Variants in ANXA10 observed in about 807,000 individuals in gnomAD.
ANXA10 encodes annexin 14.
A neutral mutation model predicts 53.5 loss-of-function variants in ANXA10; 49 were observed. That is an observed-to-expected ratio of 0.92 (90% CI 0.73 to 1.16). ANXA10 has a LOEUF of 1.16. Among genes scored for constraint, ANXA10 ranks in the 50% most tolerant of loss-of-function variants. The pLI is 0.00. For synonymous variants in ANXA10, 131 were observed against 128.9 expected, an observed-to-expected ratio of 1.02 and a Z score of -0.11; for missense variants, 393 against 394.4, an observed-to-expected ratio of 1.00 and a Z score of 0.03.
At chr4:168,150,719 G>T (rs1236266426) in intron 3 of ANXA10, among the ~76,000 whole-genome samples, 1 of 152,180 alleles carries the variant, frequency 6.6e-6, no homozygotes, top group Non-Finnish European at 1.5e-5. Flanking sequence ...GTGTTAGCAT[G>T]TTGCGAGGGT....
intron 1 of ANXA10, among the ~76,000 whole-genome samples, chr4:168,099,271 T>C (rs933935205): frequency 2.0e-5 from 3 of 152,152 alleles, no homozygotes; most frequent in Non-Finnish European, 4.4e-5. Flanking sequence ...TACATATTCT[T>C]CTAGGCATTC....
In ANXA10 at chr4:168,092,691, T is replaced by C. The variant is rs1730478514; in HGVS notation, c.-10T>C. On this transcript the variant is annotated 5_prime_UTR_variant, in exon 1 of 12. Coordinates refer to ENST00000359299, the MANE Select transcript of ANXA10 (RefSeq NM_007193.5). Reference sequence around the variant, plus strand: ...TATTTTCATCCCTGAGGTTAACAATTACCATCAAAATGTTTTGTGGAGACT... The same window carrying C: ...TATTTTCATCCCTGAGGTTAACAATCACCATCAAAATGTTTTGTGGAGACT... 3.1e-6 allele frequency: 5 copies of C among 1,592,674 alleles called. No homozygotes were observed. Among genetic ancestry groups the C allele is most frequent in the Non-Finnish European group, 4.3e-6 (5 of 1,170,700 alleles).
intron 1 of ANXA10, among the ~76,000 whole-genome samples, chr4:168,097,293 T>C (rs532889496): frequency 5.9e-5 from 9 of 152,048 alleles, no homozygotes; most frequent in Non-Finnish European, 1.3e-4. Context: ...GACCTTCATA[T>C]GGTTAAATCC....
chr4:168,183,420 A>G (rs1230106539), intron 10 of ANXA10, among the ~76,000 whole-genome samples: 1 of 152,230 alleles, frequency 6.6e-6, no homozygotes, highest in Non-Finnish European at 1.5e-5. Flanking sequence ...GATGATTTCA[A>G]TTGTTTCCTT....
chr4:168,182,318 ATTTTTTT>A (rs542260478), intron 10 of ANXA10, among the ~76,000 whole-genome samples: 16 of 49,752 alleles, frequency 3.2e-4, no homozygotes, highest in South Asian at 1.1e-3. Context: ...TGGAGCATTA[ATTTTTTT>A]TTTTTTTTTT....
rs1312235594 is a variant in ANXA10, at chr4:168,155,726, A to ATATATT, written c.196-6802_196-6801insTATATT. ...ATAAATATATAATATTATATAATAT[A>ATATATT]ATATATGATATATCATATATTATAT... On this transcript the variant is annotated intron_variant, in intron 3 of 11. Coordinates refer to ENST00000359299, the MANE Select transcript of ANXA10 (RefSeq NM_007193.5). Among the ~76,000 whole-genome samples, 207 of 63,302 alleles carry ATATATT rather than the reference A, an allele frequency of 3.3e-3. 45 individuals are homozygous for ATATATT. Among genetic ancestry groups the ATATATT allele is most frequent in the Middle Eastern group, 0.02 (1 of 50 alleles). The allele number at this position is 63,302 out of a possible 152,430, so 41.5% of individuals were successfully genotyped here. A position where few individuals can be genotyped will look rare whatever the true frequency, so the allele number is the denominator to read the frequency against.
At chr4:168,176,939 A>G (rs1232315817) in intron 6 of ANXA10, among the ~76,000 whole-genome samples, 1 of 152,158 alleles carries the variant, frequency 6.6e-6, no homozygotes, top group Non-Finnish European at 1.5e-5. Flanking sequence ...GGTCAAGGTT[A>G]CAGTGAACTA....
intron 1 of ANXA10, chr4:168,113,327 G>A (rs1730841250): frequency 6.7e-6 from 1 of 148,588 alleles, no homozygotes; most frequent in Admixed American, 6.7e-5. Context: ...TGAGAGCCCA[G>A]TCTCTGCTTT....
chr4:168,166,633 TGTGTG>T (rs1231499850), intron 6 of ANXA10, among the ~76,000 whole-genome samples: 1 of 9,800 alleles, frequency 1.0e-4, no homozygotes, highest in Non-Finnish European at 1.9e-4. Flanking sequence ...TTGTGTTTCG[TGTGTG>T]TGTGTGTGTG....
chr4:168,111,408 A>C (rs1375121753), intron 1 of ANXA10, among the ~76,000 whole-genome samples: 1 of 152,192 alleles, frequency 6.6e-6, no homozygotes, highest in African/African-American at 2.4e-5. Context: ...TGAAAAACAT[A>C]AAATAAGCCT....
intron 1 of ANXA10, among the ~76,000 whole-genome samples, chr4:168,120,329 C>A (rs1730963666): frequency 6.6e-6 from 1 of 152,008 alleles, no homozygotes; most frequent in South Asian, 2.1e-4. Context: ...CAATGTTTTT[C>A]CACCTGTTGC....
intron 6 of ANXA10, among the ~76,000 whole-genome samples, chr4:168,172,249 C>T (rs935855498): frequency 1.3e-5 from 2 of 152,176 alleles, no homozygotes; most frequent in African/African-American, 2.4e-5. Flanking sequence ...TTAAATCCAC[C>T]AGTGTGCTTA....
At chr4:168,182,217 A>G (rs1049469099) in intron 10 of ANXA10, among the ~76,000 whole-genome samples, 2 of 151,894 alleles carry the variant, frequency 1.3e-5, no homozygotes, top group Non-Finnish European at 2.9e-5. Context: ...ATTTAAAGTG[A>G]TAACTAGAAA....
chr4:168,105,986 G>A (rs1167882967), intron 1 of ANXA10, among the ~76,000 whole-genome samples: 1 of 152,002 alleles, frequency 6.6e-6, no homozygotes. Context: ...ACATGGAGTT[G>A]TTTGTTTTTT....
At chr4:168,158,752 G>A (rs1731731613) in intron 3 of ANXA10, among the ~76,000 whole-genome samples, 1 of 152,078 alleles carries the variant, frequency 6.6e-6, no homozygotes, top group South Asian at 2.1e-4. Context: ...TTTTTATTAT[G>A]ATTATGTGCT....
chr4:168,146,876 A>G (rs1731414994), intron 3 of ANXA10, among the ~76,000 whole-genome samples: 1 of 152,260 alleles, frequency 6.6e-6, no homozygotes, highest in Admixed American at 6.5e-5. Context: ...AACACTGTTC[A>G]GAGCTATAAT....
chr4:168,111,834 A>G (rs1730812540), intron 1 of ANXA10, among the ~76,000 whole-genome samples: 1 of 152,238 alleles, frequency 6.6e-6, no homozygotes, highest in African/African-American at 2.4e-5. Flanking sequence ...TTCTTTTTAA[A>G]TAATATAGTA....
At chr4:168,177,368 C>T (rs1732149958) in intron 6 of ANXA10, among the ~76,000 whole-genome samples, 1 of 152,126 alleles carries the variant, frequency 6.6e-6, no homozygotes, top group Admixed American at 6.5e-5. Context: ...TGGACTTTCT[C>T]TGCATTTTTG....
At position 168,181,784 on chromosome 4, in the gene ANXA10, T is replaced by A. The variant is rs147279809; in HGVS notation, c.783+43T>A. ...TTTTAAAATTTCTCCAGAAATTGTGTCTGTTTTCTCAAAGGATTAATTTTA... is the reference window on the plus strand; with the variant it reads ...TTTTAAAATTTCTCCAGAAATTGTGACTGTTTTCTCAAAGGATTAATTTTA... On this transcript the variant is annotated intron_variant, in intron 10 of 11. Coordinates refer to ENST00000359299, the MANE Select transcript of ANXA10 (RefSeq NM_007193.5). 2.3e-6 allele frequency: 3 copies of A among 1,333,318 alleles called. No individual in the cohort carries two copies. The East Asian group carries it at 6.9e-5, about 31-fold the overall frequency. The allele number at this position is 1,333,318 out of a possible 1,614,324, so 82.6% of individuals were successfully genotyped here.
Sources: gnomAD v4.1 joint callset for allele counts (sites outside exome capture counted in the v4.1 genomes callset) on GRCh38, gnomAD v4.1.1 for gene constraint, MANE v1.5 for transcripts, NCBI Gene and HGNC (gene_info 2026-07-23, HGNC 2026-07-21) for gene names.